The following RGS13 variants were observed in gnomAD, a reference collection of about 807,000 sequenced individuals.
The protein encoded by RGS13 is regulator of G-protein signalling 13.
A neutral mutation model predicts 19.9 loss-of-function variants in RGS13; 14 were observed. The observed-to-expected ratio is 0.70, with a 90% confidence interval of 0.46 to 1.10. The LOEUF (loss-of-function observed/expected upper bound fraction) is 1.10. Ranked by LOEUF, RGS13 falls within the 50% of genes least tolerant of loss-of-function variation. The pLI, the probability that RGS13 is intolerant of heterozygous loss-of-function variation, is 0.00. For missense variants in RGS13, 205 were observed against 187.1 expected (o/e 1.10, Z -0.56); for synonymous variants, 60 against 56.8 (o/e 1.06, Z -0.25).
chr1:192,658,460 A>C (rs1434633181), intron 6 of RGS13, 93 bp downstream of exon 6: 1 of 1,131,962 alleles, frequency 8.8e-7, no homozygotes, highest in East Asian at 2.4e-5. Flanking sequence ...GGCACTTTAC[A>C]TCCAGTATCT....
Position 192,651,251 on chromosome 1 carries a change from G to A in RGS13, c.127+3264G>A, listed in dbSNP as rs368461759. ...ACTGCTGAGAAGTCAGCTGAGGTGAGGAAGGAACAGTGACCACTAGACATG... is the reference window on the plus strand; with the variant it reads ...ACTGCTGAGAAGTCAGCTGAGGTGAAGAAGGAACAGTGACCACTAGACATG... On this transcript the variant is annotated intron_variant, in intron 5 of 6. Transcript: ENST00000391995. Among the ~76,000 whole-genome samples the A allele has an allele frequency of 1.3e-4, 20 of 152,196 alleles. No homozygotes were observed. In the East Asian group the frequency reaches 3.7e-3, roughly 28 times the overall value.
chr1:192,640,337 G>A (rs759331234), intron 3 of RGS13, among the ~76,000 whole-genome samples: 3 of 152,126 alleles, frequency 2.0e-5, no homozygotes, highest in African/African-American at 4.8e-5. Flanking sequence ...GACAGTCAAT[G>A]TAACAGTTTT....
chr1:192,641,001 C>T (rs1463638039), intron 3 of RGS13, among the ~76,000 whole-genome samples: 1 of 151,714 alleles, frequency 6.6e-6, no homozygotes, highest in Non-Finnish European at 1.5e-5. Context: ...AACGATGCCT[C>T]CTAGAGAGAC....
chr1:192,658,202 T>A lies in RGS13; in HGVS notation c.129T>A (p.Tyr43Ter), dbSNP rs754009730. 1.3e-6 allele frequency: 2 copies of A among 1,589,086 alleles called. No individual in the cohort carries two copies. Among genetic ancestry groups the A allele is most frequent in the Admixed American group, 3.6e-5 (2 of 55,902 alleles). The part of the protein sequence containing the change: ...QSFENLMATK[Y>*]GPVVYAAYLK... ...AACTGATTTCTCCTCTACTTTTAGA[T>A]GGTCCAGTAGTCTATGCAGCATATT... Residue 43 changes from tyrosine to a stop codon, truncating the protein, a stop_gained and splice_region_variant, in exon 6 of 7, where the codon TAT becomes TAA. Coordinates refer to ENST00000391995, the MANE Select transcript of RGS13 (RefSeq NM_002927.5). LOFTEE classifies it high-confidence loss of function.
At chr1:192,646,553 A>G (rs1254232799) in intron 4 of RGS13, 1 of 152,120 alleles carries the variant, frequency 6.6e-6, no homozygotes, top group Non-Finnish European at 1.5e-5. Context: ...TACATAGGTA[A>G]ATGTCTGCCA....
intron 3 of RGS13, among the ~76,000 whole-genome samples, chr1:192,643,014 C>T (rs1386879343): frequency 6.6e-6 from 1 of 152,078 alleles, no homozygotes; most frequent in African/African-American, 2.4e-5. Context: ...CATGAGTCAA[C>T]ATGACCAGCT....
chr1:192,650,408 A>G (rs1455777690), intron 5 of RGS13, among the ~76,000 whole-genome samples: 1 of 152,150 alleles, frequency 6.6e-6, no homozygotes, highest in Non-Finnish European at 1.5e-5. Context: ...AACTAAAAAT[A>G]CAAATATTAA....
chr1:192,638,007 C>T (rs1157009867), intron 2 of RGS13, among the ~76,000 whole-genome samples, 157 bp from the exon 3 acceptor site: 3 of 151,948 alleles, frequency 2.0e-5, no homozygotes, highest in Non-Finnish European at 4.4e-5. Flanking sequence ...TTTCATTCTG[C>T]CACTCTATAT....
intron 6 of RGS13, chr1:192,658,949 A>C (rs1663497973): frequency 6.2e-6 from 1 of 161,256 alleles, no homozygotes; most frequent in Non-Finnish European, 1.3e-5. Context: ...TTAAATCAAC[A>C]TTTGTGACTA....
intron 4 of RGS13, chr1:192,645,844 T>G (rs556934998): frequency 1.3e-5 from 2 of 152,218 alleles, no homozygotes; most frequent in East Asian, 3.9e-4. Context: ...TCCCCATAAA[T>G]CTCATGAGTC....
chr1:192,651,605 A>G (rs1287034986), intron 5 of RGS13, among the ~76,000 whole-genome samples: 1 of 152,078 alleles, frequency 6.6e-6, no homozygotes, highest in African/African-American at 2.4e-5. Context: ...AATGCAAAGT[A>G]GGAAGAAGCA....
chr1:192,645,769 G>A (rs998021969), intron 4 of RGS13: 1 of 151,844 alleles, frequency 6.6e-6, no homozygotes, highest in East Asian at 1.9e-4. Flanking sequence ...GCAAAAATGG[G>A]GTTCAATTAA....
intron 3 of RGS13, among the ~76,000 whole-genome samples, 183 bp from the exon 4 acceptor site, chr1:192,644,148 T>C (rs561339400): frequency 6.6e-6 from 1 of 152,296 alleles, no homozygotes; most frequent in South Asian, 2.1e-4. Flanking sequence ...AAAATATTTA[T>C]GAGAGATGAG....
At chr1:192,650,481 G>C (rs1473801623) in intron 5 of RGS13, among the ~76,000 whole-genome samples, 1 of 152,080 alleles carries the variant, frequency 6.6e-6, no homozygotes, top group Non-Finnish European at 1.5e-5. Context: ...GCATGCTGTA[G>C]CTGAGATATG....
intron 5 of RGS13, among the ~76,000 whole-genome samples, chr1:192,653,505 A>G (rs1001622410): frequency 6.6e-6 from 1 of 152,128 alleles, no homozygotes. Context: ...TAGAGGTGAA[A>G]AAGTTTATAA....
chr1:192,658,271 A>G lies in RGS13; in HGVS notation c.198A>G (p.Ala66=). 1 of 1,613,578 alleles carries G rather than the reference A, an allele frequency of 6.2e-7. No individual in the cohort carries two copies. Among genetic ancestry groups the G allele is most frequent in the Non-Finnish European group, 8.5e-7 (1 of 1,179,654 alleles). The part of the protein sequence containing the change: ...HSDENIQFWM[A]CETYKKIASR... ...ACGAGAATATTCAATTCTGGATGGC[A>G]TGTGAAACCTATAAGAAAATTGCCT... is the stretch of plus-strand genomic sequence containing the variant. Residue 66 remains alanine, a synonymous_variant, in exon 6 of 7, where the codon GCA becomes GCG. Coordinates refer to ENST00000391995, the MANE Select transcript of RGS13 (RefSeq NM_002927.5).
Position 192,659,587 on chromosome 1 carries a change from T to C in RGS13, c.*64T>C. On this transcript the variant is annotated 3_prime_UTR_variant, in exon 7 of 7. Transcript: ENST00000391995. ...AAGTGGTGGGTTTGATCTTTTTATTTAGAAACCCACAAAATCAGAAACACA... is the reference window on the plus strand; with the variant it reads ...AAGTGGTGGGTTTGATCTTTTTATTCAGAAACCCACAAAATCAGAAACACA... 3.5e-6 allele frequency: 4 copies of C among 1,151,662 alleles called. No homozygotes were observed. Among genetic ancestry groups the C allele is most frequent in the Non-Finnish European group, 5.0e-6 (4 of 806,408 alleles). The allele number at this position is 1,151,662 out of a possible 1,614,324, so 71.3% of individuals were successfully genotyped here.
intron 4 of RGS13, 193 bp downstream of exon 4, chr1:192,644,592 C>G (rs1350081678): frequency 5.9e-6 from 3 of 512,062 alleles, no homozygotes; most frequent in Non-Finnish European, 1.1e-5. Context: ...ATGGTTTACA[C>G]TTGAGAATTC....
chr1:192,654,095 G>A (rs1331098702), intron 5 of RGS13, among the ~76,000 whole-genome samples: 2 of 151,524 alleles, frequency 1.3e-5, no homozygotes, highest in East Asian at 1.9e-4. Context: ...AGAACTTAAA[G>A]TATAATAAAA....
Sources: allele counts gnomAD v4.1 joint callset (sites outside exome capture counted in the v4.1 genomes callset), GRCh38; gene constraint gnomAD v4.1.1; transcripts MANE v1.5; gene names NCBI Gene and HGNC (gene_info 2026-07-23, HGNC 2026-07-21).